The following AUTS2 variants were observed in gnomAD, a reference collection of about 807,000 sequenced individuals.
The protein encoded by AUTS2 is activator of transcription and developmental regulator AUTS2, also known as autism susceptibility gene 2 protein.
AUTS2 carries 17 observed loss-of-function variants against 112.4 expected under a neutral mutation model. That is an observed-to-expected ratio of 0.15 (90% CI 0.10 to 0.23). AUTS2 has a LOEUF of 0.23. Ranked by LOEUF, AUTS2 falls within the 10% of genes least tolerant of loss-of-function variation. The probability of loss-of-function intolerance (pLI) is 1.00; values close to 1 mark genes in which losing one functional copy is unlikely to be tolerated. For missense variants in AUTS2, 1,510 were observed against 1,701.6 expected (o/e 0.89, Z 1.98); for synonymous variants, 751 against 702.7 (o/e 1.07, Z -1.09).
At chr7:70,338,770 T>C (rs944065945) in intron 4 of AUTS2, among the ~76,000 whole-genome samples, 6 of 152,240 alleles carry the variant, frequency 3.9e-5, no homozygotes, top group South Asian at 4.2e-4. Flanking sequence ...TTTGCTGCTG[T>C]TGTTGTTTTA....
At chr7:69,851,541 C>T (rs1358192422) in intron 1 of AUTS2, among the ~76,000 whole-genome samples, 1 of 152,196 alleles carries the variant, frequency 6.6e-6, no homozygotes, top group Non-Finnish European at 1.5e-5. Flanking sequence ...TAAGCCACTG[C>T]GCCTGGCCCA....
chr7:69,888,228 T>G (rs1562951402), intron 1 of AUTS2, among the ~76,000 whole-genome samples: 1 of 151,850 alleles, frequency 6.6e-6, no homozygotes, highest in Non-Finnish European at 1.5e-5. Flanking sequence ...TCACTCATGG[T>G]TCTGCAGACT....
At chr7:70,246,070 G>A (rs1236745745) in intron 4 of AUTS2, among the ~76,000 whole-genome samples, 1 of 151,968 alleles carries the variant, frequency 6.6e-6, no homozygotes, top group Non-Finnish European at 1.5e-5. Context: ...TTCTTATTCA[G>A]TTATAAGAGT....
chr7:70,281,048 G>A (rs1788190923), intron 4 of AUTS2, among the ~76,000 whole-genome samples: 2 of 152,104 alleles, frequency 1.3e-5, no homozygotes, highest in African/African-American at 4.8e-5. Context: ...CTCTGTGTGT[G>A]TGGAAAGTGA....
At chr7:69,832,866 C>T (rs1664301539) in intron 1 of AUTS2, among the ~76,000 whole-genome samples, 3 of 152,178 alleles carry the variant, frequency 2.0e-5, no homozygotes, top group South Asian at 2.1e-4. Context: ...AGGGTAAAGT[C>T]GTAAAAATCA....
At chr7:70,344,918 G>T (rs1422882285) in intron 4 of AUTS2, among the ~76,000 whole-genome samples, 1 of 152,134 alleles carries the variant, frequency 6.6e-6, no homozygotes, top group East Asian at 1.9e-4. Context: ...GGCTCCTCTG[G>T]CCGCCTGTTG....
chr7:70,057,569 A>G (rs945845515), intron 2 of AUTS2, among the ~76,000 whole-genome samples: 2 of 152,188 alleles, frequency 1.3e-5, no homozygotes, highest in African/African-American at 4.8e-5. Flanking sequence ...TCAAAAAAAT[A>G]ATTGATGTGG....
intron 1 of AUTS2, among the ~76,000 whole-genome samples, chr7:69,680,797 G>C (rs1796756881): frequency 6.6e-6 from 1 of 152,174 alleles, no homozygotes; most frequent in South Asian, 2.1e-4. Flanking sequence ...ACCCTCCTGA[G>C]TAGCTGGGAT....
At chr7:70,533,329 G>A (rs1290527476) in intron 5 of AUTS2, among the ~76,000 whole-genome samples, 1 of 152,030 alleles carries the variant, frequency 6.6e-6, no homozygotes, top group African/African-American at 2.4e-5. Flanking sequence ...GCCCAGGCTG[G>A]TCTCAAACTC....
intron 1 of AUTS2, among the ~76,000 whole-genome samples, chr7:69,684,928 A>G (rs1220245741): frequency 1.3e-5 from 2 of 152,206 alleles, no homozygotes; most frequent in Admixed American, 1.3e-4. Flanking sequence ...CTTTCCTGGC[A>G]GTTAAAATCT....
chr7:70,113,068 A>T (rs1322533930), intron 2 of AUTS2, among the ~76,000 whole-genome samples: 1 of 152,154 alleles, frequency 6.6e-6, no homozygotes, highest in Non-Finnish European at 1.5e-5. Flanking sequence ...GTTGTAGATG[A>T]TAACAAAAGA....
intron 2 of AUTS2, among the ~76,000 whole-genome samples, chr7:69,984,935 A>G (rs571302478): frequency 6.6e-6 from 1 of 152,310 alleles, no homozygotes; most frequent in East Asian, 1.9e-4. Flanking sequence ...ATTTAGAATA[A>G]TGGTTAGTTA....
chr7:69,684,263 TC>T (rs1167441383), intron 1 of AUTS2, among the ~76,000 whole-genome samples: 3 of 152,100 alleles, frequency 2.0e-5, no homozygotes, highest in Non-Finnish European at 4.4e-5. Context: ...GACTGCCCCT[TC>T]CTGAGTGCCT....
At chr7:70,059,582 C>A (rs1223971129) in intron 2 of AUTS2, among the ~76,000 whole-genome samples, 1 of 152,078 alleles carries the variant, frequency 6.6e-6, no homozygotes, top group African/African-American at 2.4e-5. Flanking sequence ...TCTGGAAATT[C>A]TGTATGAAAG....
At chr7:69,831,735 T>C (rs191975193) in intron 1 of AUTS2, among the ~76,000 whole-genome samples, 17 of 152,230 alleles carry the variant, frequency 1.1e-4, no homozygotes, top group African/African-American at 3.6e-4. Context: ...AAGGAGAAAT[T>C]AGAATTATCC....
intron 1 of AUTS2, among the ~76,000 whole-genome samples, chr7:69,602,032 ATATATATATGTGTGTGTGTGTGTGTG>A (rs1166119958): frequency 8.5e-4 from 11 of 12,998 alleles, no homozygotes; most frequent in East Asian, 5.2e-3. Flanking sequence ...ATATATATAT[ATATATATATGTGTGTGTGTGTGTGTG>A]TGTGTGTGTG....
intron 4 of AUTS2, chr7:70,316,984 A>G (rs1790026325): frequency 6.6e-6 from 1 of 152,174 alleles, no homozygotes; most frequent in African/African-American, 2.4e-5. Flanking sequence ...TGCATCTGGC[A>G]GCATGTCTCT....
chr7:70,046,043 A>G (rs1031668081), intron 2 of AUTS2, among the ~76,000 whole-genome samples: 4 of 152,168 alleles, frequency 2.6e-5, no homozygotes, highest in Non-Finnish European at 4.4e-5. Flanking sequence ...GGAATATTCT[A>G]TGCTTCCTGA....
At chr7:70,053,441 A>G (rs1160396404) in intron 2 of AUTS2, among the ~76,000 whole-genome samples, 1 of 152,168 alleles carries the variant, frequency 6.6e-6, no homozygotes, top group Non-Finnish European at 1.5e-5. Context: ...ATGTGCTATA[A>G]AATCCAAACC....
Sources: gnomAD v4.1 joint callset for allele counts (sites outside exome capture counted in the v4.1 genomes callset) on GRCh38, gnomAD v4.1.1 for gene constraint, MANE v1.5 for transcripts, NCBI Gene and HGNC (gene_info 2026-07-23, HGNC 2026-07-21) for gene names.